Variants in STIM2 observed in about 807,000 individuals in gnomAD.
The protein encoded by STIM2 is stromal interaction molecule 2.
Under a neutral mutation model 85.8 loss-of-function variants are expected in STIM2, and 31 were observed. The ratio of observed to expected loss-of-function variants is 0.36; its 90% CI spans 0.27 to 0.49. STIM2 has a LOEUF of 0.49. Among genes scored for constraint, STIM2 ranks in the 20% least tolerant of loss-of-function variants. The probability of loss-of-function intolerance (pLI) is 0.98; values close to 1 mark genes in which losing one functional copy is unlikely to be tolerated. For missense variants in STIM2, 841 were observed against 927.6 expected (o/e 0.91, Z 1.21); for synonymous variants, 356 against 331.1 (o/e 1.08, Z -0.82).
chr4:26,881,141 C>A (rs969936808), intron 1 of STIM2, among the ~76,000 whole-genome samples: 1 of 152,048 alleles, frequency 6.6e-6, no homozygotes, highest in African/African-American at 2.4e-5. Flanking sequence ...GGACAAAACC[C>A]TTATGAATGG....
chr4:26,861,459 G>T, intron 1 of STIM2, 90 bp downstream of exon 1: 1 of 1,235,228 alleles, frequency 8.1e-7, no homozygotes, highest in South Asian at 3.3e-5. Context: ...CCGGACGTCC[G>T]CTATTCCGCG....
chr4:26,962,602 A>C (rs62302536), intron 3 of STIM2, among the ~76,000 whole-genome samples: 77 of 87,074 alleles, frequency 8.8e-4, no homozygotes, highest in Non-Finnish European at 1.4e-3. Context: ...GTGTGTGTGT[A>C]TGTGTGTCTG....
At chr4:26,986,395 T>C (rs1727587056) in intron 3 of STIM2, among the ~76,000 whole-genome samples, 2 of 152,234 alleles carry the variant, frequency 1.3e-5, no homozygotes, top group East Asian at 3.8e-4. Context: ...TATATACTTA[T>C]ATTAAATATA....
intron 2 of STIM2, among the ~76,000 whole-genome samples, chr4:26,947,715 G>T (rs1434550560): frequency 6.6e-6 from 1 of 152,192 alleles, no homozygotes; most frequent in Non-Finnish European, 1.5e-5. Flanking sequence ...GTCTGAGTGT[G>T]TGGGGCTCTG....
At chr4:27,012,525 G>A (rs1311137012) in intron 10 of STIM2, among the ~76,000 whole-genome samples, 1 of 151,950 alleles carries the variant, frequency 6.6e-6, no homozygotes, top group Non-Finnish European at 1.5e-5. Context: ...CTGTATTTCA[G>A]ATTGCTTGTT....
chr4:27,008,045 G>A (rs1273193068), intron 8 of STIM2: 2 of 712,202 alleles, frequency 2.8e-6, no homozygotes, highest in Non-Finnish European at 2.6e-6. Flanking sequence ...CACTTAAATT[G>A]TGTGGAATGA....
In STIM2 at chr4:27,002,012, C is replaced by T. The variant is rs868021408; in HGVS notation, c.626-205C>T. Among the ~76,000 whole-genome samples, 22 of 152,214 alleles carry T rather than the reference C, an allele frequency of 1.4e-4. No individual in the cohort carries two copies. In the South Asian group the frequency reaches 1.9e-3, roughly 13 times the overall value. On this transcript the variant is annotated intron_variant, in intron 5 of 11. Coordinates refer to ENST00000467087, the MANE Select transcript of STIM2 (RefSeq NM_020860.4). ...GTGTGTCTATATGGGTTTACCTCTG[C>T]CCTTCTATAAGTCTAGTATATCAAA...
At chr4:27,000,638 C>G (rs1254839988) in intron 5 of STIM2, among the ~76,000 whole-genome samples, 1 of 152,106 alleles carries the variant, frequency 6.6e-6, no homozygotes, top group African/African-American at 2.4e-5. Context: ...GAAAAGAAAT[C>G]AAACTAGTCT....
In STIM2 at chr4:26,890,578, A is replaced by C. The variant is rs183758609; in HGVS notation, c.152-28926A>C. Among the ~76,000 whole-genome samples the C allele has an allele frequency of 5.1e-4, 77 of 152,142 alleles. 1 individual carries two copies. The highest frequency in any genetic ancestry group is 4.5e-3 in the Admixed American group (69 of 15,292). Reference sequence around the variant, plus strand: ...GGTGGCTCACGCCTGTAATCCCAGCACTTTGGGAGGCCGAGGCGGGTGGAT... The same window carrying C: ...GGTGGCTCACGCCTGTAATCCCAGCCCTTTGGGAGGCCGAGGCGGGTGGAT... On this transcript the variant is annotated intron_variant, in intron 1 of 11. Coordinates refer to ENST00000467087, the MANE Select transcript of STIM2 (RefSeq NM_020860.4).
At chr4:27,007,789 TA>T (rs1186765686) in intron 8 of STIM2, 89 bp downstream of exon 8, 2 of 1,341,380 alleles carry the variant, frequency 1.5e-6, no homozygotes, top group Non-Finnish European at 9.9e-7. Context: ...CAGATCTGAA[TA>T]AAAGTTTTAT....
intron 3 of STIM2, among the ~76,000 whole-genome samples, chr4:26,978,027 C>T (rs114335596): frequency 2.0e-4 from 31 of 152,022 alleles, no homozygotes; most frequent in African/African-American, 6.7e-4. Flanking sequence ...TTGGCAAAGT[C>T]GAAGTTAAGG....
At chr4:26,906,078 A>G (rs1577429429) in intron 1 of STIM2, among the ~76,000 whole-genome samples, 1 of 152,222 alleles carries the variant, frequency 6.6e-6, no homozygotes, top group African/African-American at 2.4e-5. Flanking sequence ...TTAAGATATT[A>G]TAGAATACTG....
intron 11 of STIM2, among the ~76,000 whole-genome samples, chr4:27,022,013 G>A (rs73118789): frequency 3.4e-4 from 51 of 152,000 alleles, no homozygotes; most frequent in African/African-American, 9.4e-4. Context: ...TCGATTCCCT[G>A]CCCCCCTTTT....
intron 2 of STIM2, among the ~76,000 whole-genome samples, chr4:26,945,009 A>G (rs549001233): frequency 6.6e-6 from 1 of 152,274 alleles, no homozygotes; most frequent in East Asian, 1.9e-4. Context: ...AATGTGTGTC[A>G]TGGGGGTTTG....
chr4:26,893,822 C>T (rs947697549), intron 1 of STIM2, among the ~76,000 whole-genome samples: 7 of 151,860 alleles, frequency 4.6e-5, no homozygotes, highest in African/African-American at 1.7e-4. Context: ...ATCTAGATTT[C>T]CTCTTTTGGA....
intron 1 of STIM2, among the ~76,000 whole-genome samples, chr4:26,884,343 A>T (rs1171465761): frequency 6.6e-6 from 1 of 152,214 alleles, no homozygotes. Context: ...AGTATAGGAA[A>T]ATGTTTAGTA....
chr4:26,997,736 C>T (rs576079263), intron 4 of STIM2, among the ~76,000 whole-genome samples: 10 of 152,282 alleles, frequency 6.6e-5, no homozygotes, highest in Admixed American at 3.9e-4. Context: ...TACAGAGATA[C>T]GACATAGTCT....
At chr4:26,874,590 A>G (rs533712826) in intron 1 of STIM2, among the ~76,000 whole-genome samples, 7 of 152,310 alleles carry the variant, frequency 4.6e-5, no homozygotes, top group African/African-American at 1.7e-4. Context: ...TTAATGGATA[A>G]TTTCATATCT....
In STIM2 at chr4:26,986,039, G is replaced by C. The variant is rs566041554; in HGVS notation, c.398-9340G>C. ...GAACGCAGGAGATGGTTAAGAGTTG[G>C]CCTTTGAACTCAGTGGGCGTAGTTC... On this transcript the variant is annotated intron_variant, in intron 3 of 11. Coordinates refer to ENST00000467087, the MANE Select transcript of STIM2 (RefSeq NM_020860.4). Among the ~76,000 whole-genome samples the C allele has an allele frequency of 9.2e-3, 1,396 of 152,306 alleles. 12 individuals carry two copies. The highest frequency in any genetic ancestry group is 0.014 in the Non-Finnish European group (982 of 68,030).
Sources: gnomAD v4.1 joint callset for allele counts (sites outside exome capture counted in the v4.1 genomes callset) on GRCh38, gnomAD v4.1.1 for gene constraint, MANE v1.5 for transcripts, NCBI Gene and HGNC (gene_info 2026-07-23, HGNC 2026-07-21) for gene names.